TFDP1: variants seen among roughly 807,000 people sequenced by gnomAD.
The protein encoded by TFDP1 is transcription factor Dp-1.
Under a neutral mutation model 48.0 loss-of-function variants are expected in TFDP1, and 6 were observed. The ratio of observed to expected loss-of-function variants is 0.13; its 90% CI spans 0.07 to 0.25. The LOEUF is 0.25. Ranked by LOEUF, TFDP1 falls within the 10% of genes least tolerant of loss-of-function variation. TFDP1 has a pLI of 1.00. For synonymous variants in TFDP1, 201 were observed against 211.6 expected, an observed-to-expected ratio of 0.95 and a Z score of 0.44; for missense variants, 335 against 543.0, an observed-to-expected ratio of 0.62 and a Z score of 3.81.
At chr13:113,590,038 C>T (rs1488819346) in intron 2 of TFDP1, among the ~76,000 whole-genome samples, 6 of 152,234 alleles carry the variant, frequency 3.9e-5, no homozygotes, top group East Asian at 1.9e-4. Flanking sequence ...GGATGTAGCC[C>T]GTGTGGGGCT....
At chr13:113,614,910 C>T (rs554002184) in intron 3 of TFDP1, among the ~76,000 whole-genome samples, 1 of 152,166 alleles carries the variant, frequency 6.6e-6, no homozygotes, top group Non-Finnish European at 1.5e-5. Context: ...CGAGGCCCAC[C>T]TGCATCGAGC....
chr13:113,609,704 G>T (rs2048659395), intron 2 of TFDP1, among the ~76,000 whole-genome samples: 1 of 152,040 alleles, frequency 6.6e-6, no homozygotes, highest in African/African-American at 2.4e-5. Flanking sequence ...GTGGCACCAG[G>T]GGGTTGTGGC....
In TFDP1 at chr13:113,633,141, G is replaced by A; in HGVS notation, c.330G>A (p.Glu110=). ...GAAGGAAGCGCAACAGGAAAGGAGAGAAGAATGGCAAGGGCCTACGGCATT... is the reference window on the plus strand; with the variant it reads ...GAAGGAAGCGCAACAGGAAAGGAGAAAAGAATGGCAAGGGCCTACGGCATT... ...WSAGKRNRKG[E]KNGKGLRHFS... Residue 110 remains glutamate, a synonymous_variant, in exon 6 of 12, where the codon GAG becomes GAA. Coordinates refer to ENST00000375370, the MANE Select transcript of TFDP1 (RefSeq NM_007111.5). This position sits in a 1 kb window ranked among gnomAD's most constrained non-coding sequence, Gnocchi z 4.5. The A allele has an allele frequency of 6.2e-7, 1 of 1,614,232 alleles. No individual in the cohort carries two copies. Among genetic ancestry groups the A allele is most frequent in the East Asian group, 2.2e-5 (1 of 44,884 alleles).
rs1251799279 is a variant in TFDP1, at chr13:113,640,315, G to A, written c.*48G>A. 1 of 1,562,552 alleles carries A rather than the reference G, an allele frequency of 6.4e-7. No individual in the cohort carries two copies. ...GCTTCAGGAAAACGTTTAGCGAAAA[G>A]AAACTTTTTTTTTAATGTGGGTTTT... On this transcript the variant is annotated 3_prime_UTR_variant, in exon 12 of 12. Transcript: ENST00000375370.
At chr13:113,630,488 T>TG (rs1000179126) in intron 4 of TFDP1, among the ~76,000 whole-genome samples, 5 of 152,154 alleles carry the variant, frequency 3.3e-5, no homozygotes, top group Non-Finnish European at 5.9e-5. Context: ...GAAGGGGAGC[T>TG]GGGGGGGCCC....
intron 9 of TFDP1, 55 bp downstream of exon 9, chr13:113,636,183 C>T (rs557035392): frequency 1.6e-5 from 25 of 1,591,048 alleles, no homozygotes; most frequent in African/African-American, 6.7e-5. Flanking sequence ...TTTAGGGAGC[C>T]GACCCTGTTG....
Position 113,611,006 on chromosome 13 carries a change from T to A in TFDP1, c.23T>A (p.Ile8Asn). The stretch of plus-strand genomic sequence containing the variant: ...TGTTGCTTTCCGCAGGCCGGTCTAA[T>A]TGAAGCCAACGGAGAACTCAAGGTC... MAKDAGL[I>N]EANGELKVFI... is the part of the protein sequence containing the mutation. The change falls in exon 3 of 12, where the codon ATT becomes AAT. Residue 8 changes from isoleucine (I) to asparagine (N), a missense_variant. By Grantham distance (149) the Ile-to-Asn change is moderately radical. Coordinates refer to ENST00000375370, the MANE Select transcript of TFDP1 (RefSeq NM_007111.5). 6.2e-7 allele frequency: 1 copy of A among 1,614,112 alleles called. No individual in the cohort carries two copies. Among genetic ancestry groups the A allele is most frequent in the Middle Eastern group, 1.7e-4 (1 of 5,982 alleles).
At chr13:113,595,170 T>TA (rs1566637171) in intron 2 of TFDP1, among the ~76,000 whole-genome samples, 1 of 152,086 alleles carries the variant, frequency 6.6e-6, no homozygotes, top group East Asian at 1.9e-4. Flanking sequence ...GGGAGATAAT[T>TA]AAAAAAAAGA....
rs1040089461 is a variant in TFDP1, at chr13:113,584,830, CG to C, written c.-122del. ...CAGCCCGCGCCTCTCCGCGCCGCCC[CG>C]CGCTCCGCACCGCGCCCTCTCCGCG... On this transcript the variant is annotated 5_prime_UTR_variant, in exon 1 of 12. Coordinates refer to ENST00000375370, the MANE Select transcript of TFDP1 (RefSeq NM_007111.5). The C allele has an allele frequency of 1.4e-5, 2 of 146,252 alleles. No individual in the cohort carries two copies. Among genetic ancestry groups the C allele is most frequent in the African/African-American group, 2.5e-5 (1 of 40,752 alleles). The allele number at this position is 146,252 out of a possible 1,614,324, so 9.1% of individuals were successfully genotyped here.
At chr13:113,586,884 A>G (rs1367023097) in intron 2 of TFDP1, among the ~76,000 whole-genome samples, 1 of 152,178 alleles carries the variant, frequency 6.6e-6, no homozygotes, top group African/African-American at 2.4e-5. Flanking sequence ...CTGCGAGACT[A>G]CTTTTATCCT....
chr13:113,622,793 G>A (rs989598262), intron 3 of TFDP1, among the ~76,000 whole-genome samples: 21 of 152,226 alleles, frequency 1.4e-4, no homozygotes, highest in African/African-American at 5.1e-4. Context: ...TTCCAAACTA[G>A]TTTTGCAGCC....
In TFDP1 at chr13:113,584,803, C is replaced by G. The variant is rs2047952828; in HGVS notation, c.-150C>G. The G allele has an allele frequency of 6.8e-6, 1 of 146,286 alleles. No homozygotes were observed. The highest frequency in any genetic ancestry group is 6.8e-5 in the Admixed American group (1 of 14,730). 9.1% of individuals were successfully genotyped at this position (146,286 alleles called of 1,614,324 possible). ...CACGGCCGGGACCGCCCGGCCCGGC[C>G]CCAGCCCGCGCCTCTCCGCGCCGCC... On this transcript the variant is annotated 5_prime_UTR_variant, in exon 1 of 12. Transcript: ENST00000375370.
intron 2 of TFDP1, among the ~76,000 whole-genome samples, chr13:113,609,607 CCT>C (rs2048656263): frequency 3.3e-5 from 5 of 152,034 alleles, no homozygotes; most frequent in African/African-American, 4.8e-5. Context: ...GGCTGCCTCC[CCT>C]GTGTCCCCTG....
intron 2 of TFDP1, among the ~76,000 whole-genome samples, chr13:113,592,412 C>A (rs1594404012): frequency 6.6e-6 from 1 of 152,372 alleles, no homozygotes; most frequent in Middle Eastern, 3.4e-3. Flanking sequence ...CCGCCTTGGC[C>A]TCCCAGAGTG....
chr13:113,594,595 C>T (rs2048241682), intron 2 of TFDP1, among the ~76,000 whole-genome samples: 1 of 152,160 alleles, frequency 6.6e-6, no homozygotes, highest in South Asian at 2.1e-4. Context: ...GAGTCCTCAG[C>T]CCTGCCCAGG....
chr13:113,614,607 T>C (rs745431148), intron 3 of TFDP1, among the ~76,000 whole-genome samples: 1 of 152,216 alleles, frequency 6.6e-6, no homozygotes, highest in Admixed American at 6.5e-5. Context: ...CCGAGGCTCC[T>C]CATGGGCCCC....
At chr13:113,601,363 C>CTTGTGGGCTGCTGGTGGGATCCCGCTCT (rs1352108486) in intron 2 of TFDP1, among the ~76,000 whole-genome samples, 1 of 152,286 alleles carries the variant, frequency 6.6e-6, no homozygotes, top group East Asian at 1.9e-4. Flanking sequence ...GATCCCGCTC[C>CTTGTGGGCTGCTGGTGGGATCCCGCTCT]TTGTGGGCTG....
intron 2 of TFDP1, among the ~76,000 whole-genome samples, chr13:113,610,271 C>T (rs1209152079): frequency 6.6e-6 from 1 of 151,736 alleles, no homozygotes; most frequent in East Asian, 1.9e-4. Flanking sequence ...TGTACCATCA[C>T]GTTTGTGTGT....
chr13:113,616,717 C>G (rs1266044260), intron 3 of TFDP1, among the ~76,000 whole-genome samples: 1 of 152,152 alleles, frequency 6.6e-6, no homozygotes, highest in East Asian at 1.9e-4. Flanking sequence ...CGTAATTCCT[C>G]ACTCGTGACC....
Sources: allele counts gnomAD v4.1 joint callset (sites outside exome capture counted in the v4.1 genomes callset), GRCh38; gene constraint gnomAD v4.1.1; non-coding constraint Gnocchi (gnomAD v3.1); transcripts MANE v1.5; gene names NCBI Gene and HGNC (gene_info 2026-07-23, HGNC 2026-07-21).